MYO9B: variants seen among roughly 807,000 people sequenced by gnomAD.
The protein encoded by MYO9B is myosin IXB, also known as unconventional myosin-IXb.
Under a neutral mutation model 229.5 loss-of-function variants are expected in MYO9B, and 71 were observed. The observed-to-expected ratio is 0.31, with a 90% confidence interval of 0.26 to 0.38. The LOEUF (loss-of-function observed/expected upper bound fraction) is 0.38, where lower values mean the gene tolerates loss of function less well. Ranked by LOEUF, MYO9B falls within the 10% of genes least tolerant of loss-of-function variation. The probability of loss-of-function intolerance (pLI) is 1.00; values close to 1 mark genes in which losing one functional copy is unlikely to be tolerated. For missense variants in MYO9B, 2,255 were observed against 2,920.5 expected (o/e 0.77, Z 5.25); for synonymous variants, 1,185 against 1,235.8 (o/e 0.96, Z 0.86).
intron 1 of MYO9B, among the ~76,000 whole-genome samples, chr19:17,086,202 A>G (rs7252102): frequency 0.36 from 54,024 of 151,896 alleles, 10,312 homozygotes; most frequent in African/African-American, 0.47. Flanking sequence ...ATCTAACCAC[A>G]TTTGCAGGGC....
intron 1 of MYO9B, among the ~76,000 whole-genome samples, chr19:17,081,798 A>G (rs1454331863): frequency 1.4e-5 from 2 of 146,050 alleles, no homozygotes; most frequent in Admixed American, 6.9e-5. Flanking sequence ...GCAAGAGAGT[A>G]AGATCCCATC....
intron 38 of MYO9B, among the ~76,000 whole-genome samples, chr19:17,211,417 G>A (rs563433286): frequency 1.3e-5 from 2 of 152,246 alleles, no homozygotes; most frequent in South Asian, 4.1e-4. Flanking sequence ...AACCACAGGT[G>A]GTGCACACCA....
At chr19:17,160,316 G>A (rs1305898087) in intron 8 of MYO9B, among the ~76,000 whole-genome samples, 4 of 152,036 alleles carry the variant, frequency 2.6e-5, no homozygotes, top group African/African-American at 9.7e-5. Context: ...GCTCCATGCA[G>A]AGCCAAAGGC....
chr19:17,124,338 A>G (rs1458401918), intron 2 of MYO9B, among the ~76,000 whole-genome samples: 2 of 152,128 alleles, frequency 1.3e-5, no homozygotes, highest in South Asian at 2.1e-4. Flanking sequence ...ACAAATAAAA[A>G]TCATTCCTAT....
Position 17,076,522 on chromosome 19 carries a change from G to A in MYO9B, c.-59+648G>A, listed in dbSNP as rs75576266. Among the ~76,000 whole-genome samples, 1,190 of 152,166 alleles carry A rather than the reference G, an allele frequency of 7.8e-3. 19 individuals are homozygous for A. Among genetic ancestry groups the A allele is most frequent in the African/African-American group, 0.027 (1,106 of 41,488 alleles). On this transcript the variant is annotated intron_variant, in intron 1 of 39. Coordinates refer to ENST00000682292, the MANE Select transcript of MYO9B (RefSeq NM_004145.4). Reference sequence around the variant, plus strand: ...AGGGCCCGGAGAGGAGGGAAGAGAAGGAAGGGGTTAGAGTGGCCCCGTGCA... The same window carrying A: ...AGGGCCCGGAGAGGAGGGAAGAGAAAGAAGGGGTTAGAGTGGCCCCGTGCA...
chr19:17,169,543 C>T (rs909949676), intron 11 of MYO9B, among the ~76,000 whole-genome samples: 8 of 151,100 alleles, frequency 5.3e-5, no homozygotes, highest in Non-Finnish European at 1.2e-4. Context: ...TGTTTGAACC[C>T]GGGAGGTGGA....
At chr19:17,111,050 ACAGTGCCATT>A (rs1030865444) in intron 2 of MYO9B, among the ~76,000 whole-genome samples, 2 of 152,104 alleles carry the variant, frequency 1.3e-5, no homozygotes, top group African/African-American at 4.8e-5. Context: ...CACCTAGACC[ACAGTGCCATT>A]ATCCACTTCG....
At chr19:17,124,924 G>A (rs1014427435) in intron 2 of MYO9B, among the ~76,000 whole-genome samples, 4 of 152,000 alleles carry the variant, frequency 2.6e-5, no homozygotes, top group Admixed American at 2.6e-4. Flanking sequence ...AGGAAAGAAC[G>A]GAAGTAAATG....
Position 17,168,022 on chromosome 19 carries a change from A to G in MYO9B, c.1751A>G (p.Lys584Arg). ...DNVGCIHLISKKPTGLFYLLD... is the reference protein window; with the variant it reads ...DNVGCIHLISRKPTGLFYLLD... ...GTCGGCTGCATCCATCTCATCAGCA[A>G]GAAACCCACGGGCCTCTTCTACCTG... Residue 584 changes from lysine (K) to arginine (R), a missense_variant, in exon 11 of 40, where the codon AAG becomes AGG. Physicochemically the swap from Lys to Arg is conservative, Grantham distance 26. Around this residue, in one of 7 missense-constraint regions of MYO9B, gnomAD observed 220 missense variants for 404.5 expected, o/e 0.54. Transcript: ENST00000682292. 6 of 1,612,314 alleles carry G rather than the reference A, an allele frequency of 3.7e-6. No individual in the cohort carries two copies. The highest frequency in any genetic ancestry group is 5.1e-6 in the Non-Finnish European group (6 of 1,179,330).
At chr19:17,076,351 G>T (rs1366439265) in intron 1 of MYO9B, among the ~76,000 whole-genome samples, 1 of 152,024 alleles carries the variant, frequency 6.6e-6, no homozygotes, top group Non-Finnish European at 1.5e-5. Context: ...GGCGGCGCCT[G>T]GCCCCCAGTG....
In MYO9B at chr19:17,210,027, G is replaced by A. The variant is rs78008810; in HGVS notation, c.5749-306G>A. On this transcript the variant is annotated intron_variant, in intron 36 of 39. Coordinates refer to ENST00000682292, the MANE Select transcript of MYO9B (RefSeq NM_004145.4). ...CCTTGAACGAAAGACGATGGTCCTC[G>A]CTCAGCCTCACTCCAATTATGTTCC... Among the ~76,000 whole-genome samples, 4 of 152,290 alleles carry A rather than the reference G, an allele frequency of 2.6e-5. No individual in the cohort carries two copies. The East Asian group carries it at 5.8e-4, about 22-fold the overall frequency.
intron 2 of MYO9B, among the ~76,000 whole-genome samples, chr19:17,118,740 C>T (rs2057932407): frequency 1.3e-5 from 2 of 152,212 alleles, no homozygotes; most frequent in African/African-American, 4.8e-5. Context: ...ACCTTGGCCT[C>T]CTGTGATCAC....
chr19:17,078,770 T>C (rs1367516239), intron 1 of MYO9B, among the ~76,000 whole-genome samples: 1 of 152,212 alleles, frequency 6.6e-6, no homozygotes, highest in Admixed American at 6.5e-5. Flanking sequence ...GCAGATACCT[T>C]TGAAGCCCGG....
chr19:17,151,291 A>AG (rs1252474499), intron 3 of MYO9B, among the ~76,000 whole-genome samples: 3 of 25,334 alleles, frequency 1.2e-4, no homozygotes, highest in Admixed American at 3.9e-4. Flanking sequence ...AAAAAAAAAG[A>AG]AAGAAAGAAA....
chr19:17,145,453 C>T lies in MYO9B; in HGVS notation c.897C>T (p.Phe299=), dbSNP rs1236348392. 5.6e-6 allele frequency: 9 copies of T among 1,613,968 alleles called. No individual in the cohort carries two copies. The highest frequency in any genetic ancestry group is 7.6e-6 in the Non-Finnish European group (9 of 1,179,876). The change falls in exon 3 of 40, where the codon TTC becomes TTT. Residue 299 remains phenylalanine, a synonymous_variant. Transcript: ENST00000682292. ...HNNNSSRFGK[F]IQVSYLESGI... ...ACAACTCCAGCCGGTTTGGGAAATT[C>T]ATCCAAGTCAGCTACCTAGAGAGTG...
rs779145447 is a variant in MYO9B, at chr19:17,175,692, C to T, written c.2170C>T (p.Pro724Ser). The part of the protein sequence containing the change: ...GMSSPGAQSH[P>S]EELPRGASTP... ...GAGCAGCCCTGGTGCCCAAAGTCAC[C>T]CAGAAGAGCTGCCAAGAGGAGCCAG... The change falls in exon 14 of 40, where the codon CCA (proline) becomes TCA (serine). Residue 724 changes from proline (P) to serine (S), a missense_variant. Transcript: ENST00000682292. The T allele has an allele frequency of 8.9e-6, 14 of 1,575,200 alleles. No homozygotes were observed. In the South Asian group the frequency reaches 1.2e-4, roughly 13 times the overall value.
intron 2 of MYO9B, chr19:17,103,777 T>G (rs967109403): frequency 2.0e-5 from 3 of 152,032 alleles, no homozygotes; most frequent in African/African-American, 7.3e-5. Flanking sequence ...AATAAGTCAC[T>G]GGGCGCGGTG....
intron 16 of MYO9B, 90 bp from the exon 17 acceptor site, chr19:17,184,775 T>C: frequency 6.4e-7 from 1 of 1,568,352 alleles, no homozygotes; most frequent in Non-Finnish European, 8.7e-7. Flanking sequence ...GGGGACGCTG[T>C]TCTGCCCTGG....
intron 1 of MYO9B, among the ~76,000 whole-genome samples, chr19:17,096,244 T>A (rs758619415): frequency 1.3e-5 from 2 of 152,212 alleles, no homozygotes; most frequent in African/African-American, 2.4e-5. Context: ...AGTTTGGGAC[T>A]CTCAGAAGTT....
Sources: allele counts gnomAD v4.1 joint callset (sites outside exome capture counted in the v4.1 genomes callset), GRCh38; gene constraint gnomAD v4.1.1; regional missense constraint gnomAD v4.1.1; transcripts MANE v1.5; gene names NCBI Gene and HGNC (gene_info 2026-07-23, HGNC 2026-07-21).